SAMMSON: variants seen among roughly 807,000 people sequenced by gnomAD.
SAMMSON encodes long intergenic non-protein coding RNA 1212.
intron 9 of SAMMSON, among the ~76,000 whole-genome samples, chr3:70,376,953 G>A (rs1316846922): frequency 1.3e-5 from 2 of 151,970 alleles, no homozygotes. Context: ...TCTAATAACT[G>A]CAGAAATATT....
intron 3 of SAMMSON, among the ~76,000 whole-genome samples, chr3:70,063,635 T>C (rs1278662645): frequency 6.6e-6 from 1 of 152,122 alleles, no homozygotes; most frequent in Non-Finnish European, 1.5e-5. Context: ...TGCCACTGCA[T>C]ATCCCTGTCT....
At chr3:70,105,690 AAG>A (rs2067364428) in intron 4 of SAMMSON, among the ~76,000 whole-genome samples, 1 of 152,188 alleles carries the variant, frequency 6.6e-6, no homozygotes, top group South Asian at 2.1e-4. Flanking sequence ...CAAAATGAAA[AAG>A]CAAATTTTTA....
intron 4 of SAMMSON, among the ~76,000 whole-genome samples, chr3:70,083,665 T>G (rs1288252571): frequency 6.6e-6 from 1 of 152,136 alleles, no homozygotes; most frequent in Non-Finnish European, 1.5e-5. Context: ...TTCCTTTCTT[T>G]CCTGAAGCTT....
intron 4 of SAMMSON, among the ~76,000 whole-genome samples, chr3:70,177,427 C>T (rs1701016460): frequency 6.6e-6 from 1 of 152,176 alleles, no homozygotes; most frequent in South Asian, 2.1e-4. Context: ...ACTTCAAGGT[C>T]ATAGTCAAAT....
rs527750447 is a variant in SAMMSON at position 70,364,968 on chromosome 3, A to T, written n.913+6644A>T. On this transcript the variant is annotated intron_variant and non_coding_transcript_variant, in intron 9 of 9. Transcript: ENST00000642114. ...TGTTATCCATTTATAACGCACTCAG[A>T]TTGTTTTGTCACATTATTTTTTTTT... Among the ~76,000 whole-genome samples, 3 of 151,774 alleles carry T rather than the reference A, an allele frequency of 2.0e-5. No individual in the cohort carries two copies. The South Asian group carries it at 6.2e-4, about 31-fold the overall frequency.
At chr3:70,235,189 C>T (rs554036846) in intron 4 of SAMMSON, among the ~76,000 whole-genome samples, 1 of 152,256 alleles carries the variant, frequency 6.6e-6, no homozygotes, top group African/African-American at 2.4e-5. Flanking sequence ...ATCTCTTTTA[C>T]CATCCACAAA....
chr3:70,095,967 G>T (rs1431153575), intron 4 of SAMMSON: 1 of 152,172 alleles, frequency 6.6e-6, no homozygotes, highest in African/African-American at 2.4e-5. Flanking sequence ...TTTTTCCACA[G>T]TTTCTGTGGT....
At chr3:70,354,083 A>AAAGACC (rs2106736333) in intron 7 of SAMMSON, 1 of 152,442 alleles carries the variant, frequency 6.6e-6, no homozygotes, top group East Asian at 1.9e-4. Flanking sequence ...GCAGCTGTAA[A>AAAGACC]AAGACCAAGT....
At chr3:70,273,645 G>T (rs530324282) in intron 6 of SAMMSON, among the ~76,000 whole-genome samples, 1 of 152,298 alleles carries the variant, frequency 6.6e-6, no homozygotes, top group South Asian at 2.1e-4. Context: ...GGAGGAAAAG[G>T]CAAGGTACAG....
intron 3 of SAMMSON, among the ~76,000 whole-genome samples, chr3:70,029,891 A>G (rs2067058016): frequency 6.6e-6 from 1 of 152,182 alleles, no homozygotes; most frequent in Non-Finnish European, 1.5e-5. Context: ...TATCGTTTGC[A>G]TTAGAAATCA....
intron 3 of SAMMSON, among the ~76,000 whole-genome samples, chr3:70,040,449 A>G (rs1199072561): frequency 6.6e-6 from 1 of 152,200 alleles, no homozygotes; most frequent in African/African-American, 2.4e-5. Context: ...TGTATCAGGA[A>G]GTAAAGACTG....
chr3:70,065,132 TTA>T (rs1357692161), intron 3 of SAMMSON: 28 of 152,158 alleles, frequency 1.8e-4, no homozygotes, highest in African/African-American at 6.7e-4. Context: ...TTCCATTTTT[TTA>T]TTTTTTTTGC....
intron 4 of SAMMSON, among the ~76,000 whole-genome samples, chr3:70,116,568 T>G (rs769633813): frequency 6.6e-5 from 10 of 151,972 alleles, no homozygotes; most frequent in Non-Finnish European, 1.2e-4. Context: ...AATGTATTCT[T>G]AAAACTAAAT....
intron 2 of SAMMSON, among the ~76,000 whole-genome samples, chr3:70,414,293 T>C (rs937972068): frequency 2.0e-5 from 3 of 152,158 alleles, no homozygotes; most frequent in Non-Finnish European, 2.9e-5. Flanking sequence ...TTTCTTACTA[T>C]ATTCATAAAG....
chr3:70,237,448 C>G (rs1346137967), intron 4 of SAMMSON, among the ~76,000 whole-genome samples: 4 of 152,156 alleles, frequency 2.6e-5, no homozygotes. Context: ...TTTCCGATTC[C>G]TTTCAGTGAA....
intron 3 of SAMMSON, chr3:70,068,528 G>T (rs531478457): frequency 6.6e-6 from 1 of 152,162 alleles, no homozygotes; most frequent in East Asian, 1.9e-4. Context: ...GGGAGGTGGT[G>T]GGGTTAACTA....
At chr3:70,005,478 G>A (rs1213704732) in intron 1 of SAMMSON, among the ~76,000 whole-genome samples, 1 of 151,932 alleles carries the variant, frequency 6.6e-6, no homozygotes, top group Non-Finnish European at 1.5e-5. Context: ...TAGTATTCTG[G>A]CCCAAGCTTT....
At chr3:70,001,565 C>T (rs958571467) in intron 1 of SAMMSON, among the ~76,000 whole-genome samples, 2 of 150,902 alleles carry the variant, frequency 1.3e-5, no homozygotes, top group East Asian at 3.9e-4. Context: ...TTTGGTTTTG[C>T]ATTATTCTTT....
intron 1 of SAMMSON, among the ~76,000 whole-genome samples, chr3:70,000,289 G>A (rs551297343): frequency 6.6e-6 from 1 of 152,276 alleles, no homozygotes; most frequent in East Asian, 1.9e-4. Flanking sequence ...TGAGCAGCGG[G>A]GCGCTGAAGA....
Sources: gnomAD v4.1 joint callset for allele counts (sites outside exome capture counted in the v4.1 genomes callset) on GRCh38, gnomAD v4.1.1 for gene constraint, MANE v1.5 for transcripts, NCBI Gene and HGNC (gene_info 2026-07-23, HGNC 2026-07-21) for gene names.